HTR1F: variants seen among roughly 807,000 people sequenced by gnomAD.
HTR1F encodes the protein 5-hydroxytryptamine (serotonin) receptor 1F, G protein-coupled.
Under a neutral mutation model 24.0 loss-of-function variants are expected in HTR1F, and 17 were observed. The ratio of observed to expected loss-of-function variants is 0.71; its 90% confidence interval spans 0.48 to 1.06. The LOEUF is 1.06. Among genes scored for constraint, HTR1F ranks in the 50% least tolerant of loss-of-function variants. The pLI, the probability that HTR1F is intolerant of heterozygous loss-of-function variation, is 0.00. For synonymous variants in HTR1F, 186 were observed against 156.8 expected, an observed-to-expected ratio of 1.19 and a Z score of -1.39; for missense variants, 391 against 427.8, an observed-to-expected ratio of 0.91 and a Z score of 0.76.
Position 87,886,125 on chromosome 3 carries a change from C to T in HTR1F, c.-43+64001C>T, listed in dbSNP as rs150135635. ...TGGCAAACTGAATCTAGCATCACAT[C>T]AAAAAGCTCATCCACCACGATCAAG... is the stretch of plus-strand genomic sequence containing the variant. On this transcript the variant is annotated intron_variant, in intron 2 of 2. Transcript: ENST00000319595. Among the ~76,000 whole-genome samples, 592 of 152,270 alleles carry T rather than the reference C, an allele frequency of 3.9e-3. 7 individuals are homozygous for T. The highest frequency in any genetic ancestry group is 0.014 in the African/African-American group (569 of 41,556).
In HTR1F at chr3:87,993,463, T is replaced by C. The variant is rs1380780479; in HGVS notation, c.*1613T>C. ...ATGGAAGTTGTTTACACAGTTATGA[T>C]GGTGCAGAGGAAAAACTGATCGCAT... On this transcript the variant is annotated 3_prime_UTR_variant, in exon 3 of 3. Coordinates refer to ENST00000319595, the MANE Select transcript of HTR1F (RefSeq NM_001322209.2). 1 of 166,902 alleles carries C rather than the reference T, an allele frequency of 6.0e-6. No individual in the cohort carries two copies. The highest frequency in any genetic ancestry group is 1.9e-4 in the East Asian group (1 of 5,202). The allele number at this position is 166,902 out of a possible 1,614,324, so 10.3% of individuals were successfully genotyped here.
chr3:87,949,399 T>C (rs1704784836), intron 2 of HTR1F, among the ~76,000 whole-genome samples: 1 of 152,202 alleles, frequency 6.6e-6, no homozygotes. Context: ...CAGCTTCCTC[T>C]ACTCAGTCCT....
chr3:87,897,324 A>T (rs1258008361), intron 2 of HTR1F, among the ~76,000 whole-genome samples: 2 of 151,368 alleles, frequency 1.3e-5, no homozygotes, highest in Non-Finnish European at 2.9e-5. Flanking sequence ...CATAATGCTA[A>T]GTGAAATAAG....
chr3:87,926,755 A>G (rs1054641183), intron 2 of HTR1F, among the ~76,000 whole-genome samples: 6 of 152,074 alleles, frequency 3.9e-5, no homozygotes, highest in Admixed American at 1.3e-4. Context: ...TTGGGTTCAT[A>G]TTACTAAATT....
intron 2 of HTR1F, among the ~76,000 whole-genome samples, chr3:87,976,203 G>A (rs1392761207): frequency 6.6e-6 from 1 of 152,048 alleles, no homozygotes; most frequent in Non-Finnish European, 1.5e-5. Flanking sequence ...AGAATACAAT[G>A]GAAGAGCATA....
In HTR1F at chr3:87,990,908, G is replaced by C; in HGVS notation, c.159G>C (p.Lys53Asn). 1 of 1,614,162 alleles carries C rather than the reference G, an allele frequency of 6.2e-7. No individual in the cohort carries two copies. The highest frequency in any genetic ancestry group is 1.6e-4 in the Middle Eastern group (1 of 6,062). Residue 53 changes from lysine (K) to asparagine (N), a missense_variant, in exon 3 of 3, where the codon AAG becomes AAC. Transcript: ENST00000319595. ...LVIAAIIVTR[K>N]LHHPANYLIC... ...TCGCTGCAATTATTGTGACCCGGAA[G>C]CTGCACCATCCAGCCAATTATTTAA... is the stretch of plus-strand genomic sequence containing the variant.
chr3:87,828,072 G>A (rs1195410532), intron 2 of HTR1F, among the ~76,000 whole-genome samples: 1 of 152,056 alleles, frequency 6.6e-6, no homozygotes, highest in African/African-American at 2.4e-5. Context: ...GGTAGGGGAG[G>A]GTAATTGTAC....
intron 2 of HTR1F, among the ~76,000 whole-genome samples, chr3:87,965,558 T>A (rs942761335): frequency 2.6e-5 from 4 of 152,148 alleles, no homozygotes; most frequent in African/African-American, 9.7e-5. Context: ...TAAAAAGCCT[T>A]TTGAAAGTAT....
intron 2 of HTR1F, among the ~76,000 whole-genome samples, chr3:87,849,220 A>G (rs1705021006): frequency 6.6e-6 from 1 of 151,952 alleles, no homozygotes; most frequent in South Asian, 2.1e-4. Context: ...CTACAAGGCT[A>G]CGGTAACCAA....
At chr3:87,968,372 C>T (rs1340220391) in intron 2 of HTR1F, among the ~76,000 whole-genome samples, 2 of 152,086 alleles carry the variant, frequency 1.3e-5, no homozygotes, top group Admixed American at 6.5e-5. Flanking sequence ...GACATCACGC[C>T]CAGCTAATTT....
At chr3:87,841,996 C>A (rs73145266) in intron 2 of HTR1F, among the ~76,000 whole-genome samples, 1 of 150,778 alleles carries the variant, frequency 6.6e-6, no homozygotes, top group South Asian at 2.1e-4. Context: ...GCTTAGACTT[C>A]ACTCCTAGTA....
At chr3:87,888,408 G>A (rs777866377) in intron 2 of HTR1F, among the ~76,000 whole-genome samples, 1 of 151,996 alleles carries the variant, frequency 6.6e-6, no homozygotes, top group Non-Finnish European at 1.5e-5. Context: ...CATGGCACAT[G>A]TATACCTAAA....
chr3:87,842,894 GA>G (rs1704839787), intron 2 of HTR1F, among the ~76,000 whole-genome samples: 1 of 151,770 alleles, frequency 6.6e-6, no homozygotes, highest in Non-Finnish European at 1.5e-5. Context: ...CACTAAGAAC[GA>G]TAAAACAACA....
chr3:87,880,699 T>C (rs1363301982), intron 2 of HTR1F, among the ~76,000 whole-genome samples: 3 of 151,620 alleles, frequency 2.0e-5, no homozygotes, highest in South Asian at 4.2e-4. Flanking sequence ...TGTCCATATA[T>C]GGCGGGGCGG....
At chr3:87,923,109 T>TTCCATTGG (rs1704046648) in intron 2 of HTR1F, among the ~76,000 whole-genome samples, 2 of 152,088 alleles carry the variant, frequency 1.3e-5, no homozygotes, top group South Asian at 4.1e-4. Flanking sequence ...CCCTATTCTG[T>TTCCATTGG]TCCATTGGTC....
chr3:87,884,877 T>G lies in HTR1F; in HGVS notation c.-43+62753T>G, dbSNP rs189703034. Among the ~76,000 whole-genome samples, 11 of 152,202 alleles carry G rather than the reference T, an allele frequency of 7.2e-5. No individual in the cohort carries two copies. The East Asian group carries it at 1.5e-3, about 21-fold the overall frequency. On this transcript the variant is annotated intron_variant, in intron 2 of 2. Coordinates refer to ENST00000319595, the MANE Select transcript of HTR1F (RefSeq NM_001322209.2). ...CCTTAGAGACCTACAAAAAGACTTATACTCCCACACAATAATAATGGGAGA... is the reference window on the plus strand; with the variant it reads ...CCTTAGAGACCTACAAAAAGACTTAGACTCCCACACAATAATAATGGGAGA...
At chr3:87,947,672 A>C (rs1484021101) in intron 2 of HTR1F, among the ~76,000 whole-genome samples, 1 of 152,228 alleles carries the variant, frequency 6.6e-6, no homozygotes, top group African/African-American at 2.4e-5. Flanking sequence ...TGAGTAAAAT[A>C]AGATAATAAT....
At chr3:87,916,309 G>GAAAA (rs34801984) in intron 2 of HTR1F, among the ~76,000 whole-genome samples, 19 of 111,038 alleles carry the variant, frequency 1.7e-4, no homozygotes, top group East Asian at 2.8e-4. Flanking sequence ...AAGCAAAAAA[G>GAAAA]AAAAAAAAAA....
intron 2 of HTR1F, among the ~76,000 whole-genome samples, chr3:87,942,867 T>G (rs1437310391): frequency 2.0e-5 from 3 of 152,102 alleles, no homozygotes; most frequent in Non-Finnish European, 4.4e-5. Flanking sequence ...CTTTTGAAGT[T>G]TTTTAATGTC....
Sources: gnomAD v4.1 joint callset for allele counts (sites outside exome capture counted in the v4.1 genomes callset) on GRCh38, gnomAD v4.1.1 for gene constraint, MANE v1.5 for transcripts, NCBI Gene and HGNC (gene_info 2026-07-23, HGNC 2026-07-21) for gene names.